Variants in AMZ1 observed in about 807,000 individuals in gnomAD.
AMZ1 encodes the protein archaemetzincin-1.
Under a neutral mutation model 29.9 loss-of-function variants are expected in AMZ1, and 39 were observed. The ratio of observed to expected loss-of-function variants is 1.30; its 90% confidence interval spans 1.01 to 1.70. The LOEUF is 1.70. Among genes scored for constraint, AMZ1 ranks in the 40% most tolerant of loss-of-function variants. The pLI is 0.00. For synonymous variants in AMZ1, 458 were observed against 304.0 expected, an observed-to-expected ratio of 1.51 and a Z score of -5.27; for missense variants, 1,041 against 680.6, an observed-to-expected ratio of 1.53 and a Z score of -5.89.
intron 4 of AMZ1, among the ~76,000 whole-genome samples, chr7:2,742,928 G>A (rs573556757): frequency 6.6e-6 from 1 of 152,324 alleles, no homozygotes; most frequent in East Asian, 1.9e-4. Context: ...TAATAGACCT[G>A]TAGGTTCTTC....
At chr7:2,751,210 C>T (rs1199634451) in intron 4 of AMZ1, among the ~76,000 whole-genome samples, 1 of 151,664 alleles carries the variant, frequency 6.6e-6, no homozygotes, top group African/African-American at 2.4e-5. Context: ...ATGGTAAAAC[C>T]CCATCTTCTC....
intron 4 of AMZ1, among the ~76,000 whole-genome samples, chr7:2,749,307 T>C (rs1357173285): frequency 7.2e-5 from 11 of 152,310 alleles, no homozygotes; most frequent in Admixed American, 6.5e-4. Flanking sequence ...GTGCCACATA[T>C]ACACCATGGA....
chr7:2,695,589 C>T (rs1380166272), intron 1 of AMZ1, among the ~76,000 whole-genome samples: 19 of 151,304 alleles, frequency 1.3e-4, no homozygotes, highest in Admixed American at 5.9e-4. Context: ...GGTACATGTC[C>T]GTAGTCTCAG....
chr7:2,762,376 C>T (rs1791602114), upstream of AMZ1: 2 of 439,304 alleles, frequency 4.6e-6, no homozygotes, highest in East Asian at 3.7e-5. Context: ...CACGGTATGG[C>T]GGTTCCCACT....
At chr7:2,708,778 T>C (rs923676008) in intron 4 of AMZ1, 62 bp downstream of exon 4, 31 of 1,606,312 alleles carry the variant, frequency 1.9e-5, no homozygotes, top group East Asian at 6.7e-5. Flanking sequence ...GTGGCCTCCG[T>C]GGCTGCAGGG....
chr7:2,703,883 A>G (rs1212060523), intron 3 of AMZ1, among the ~76,000 whole-genome samples: 1 of 152,158 alleles, frequency 6.6e-6, no homozygotes, highest in African/African-American at 2.4e-5. Flanking sequence ...CTCTGGAGTC[A>G]CATCCAAGGT....
At chr7:2,721,556 A>AAT (rs1478010602), downstream of AMZ1, among the ~76,000 whole-genome samples, 1 of 152,114 alleles carries the variant, frequency 6.6e-6, no homozygotes, top group East Asian at 1.9e-4. Context: ...CTCTACTAAA[A>AAT]ATACAAAAAA....
At chr7:2,746,006 T>G (rs1262583357) in intron 4 of AMZ1, among the ~76,000 whole-genome samples, 1 of 152,022 alleles carries the variant, frequency 6.6e-6, no homozygotes, top group African/African-American at 2.4e-5. Flanking sequence ...ACAGGAGCAC[T>G]CAGATTCATA....
Position 2,731,333 on chromosome 7 carries a change from C to T in AMZ1, n.550+21517C>T, listed in dbSNP as rs1789882516. 6.2e-7 allele frequency: 1 copy of T among 1,613,722 alleles called. No individual in the cohort carries two copies. The highest frequency in any genetic ancestry group is 8.5e-7 in the Non-Finnish European group (1 of 1,179,900). ...CGTCTCTTCCTGTCGAAGCACTGGACCAGGTAGCGCTGGACGTCCTCCAGC... is the reference window on the plus strand; with the variant it reads ...CGTCTCTTCCTGTCGAAGCACTGGATCAGGTAGCGCTGGACGTCCTCCAGC... On this transcript the variant is annotated intron_variant and non_coding_transcript_variant, in intron 4 of 4. Transcript: ENST00000489665. The surrounding 1 kb of genome is among the most constrained non-coding windows in gnomAD (Gnocchi z 6.0).
At position 2,745,908 on chromosome 7, in the gene AMZ1, C is replaced by G. The variant is rs544014364; in HGVS notation, n.551-18804C>G. On this transcript the variant is annotated intron_variant and non_coding_transcript_variant, in intron 4 of 4. Transcript: ENST00000489665. ...AAACAGACTTTAAACCAACAAAGATCAAAAGAGACAAAGAAGGCCATTACA... is the reference window on the plus strand; with the variant it reads ...AAACAGACTTTAAACCAACAAAGATGAAAAGAGACAAAGAAGGCCATTACA... 3.3e-5 allele frequency among the ~76,000 whole-genome samples: 5 copies of G among 152,168 alleles called. No homozygotes were observed. The East Asian group carries it at 9.6e-4, about 29-fold the overall frequency.
At chr7:2,759,585 T>C (rs1266671432) in intron 4 of AMZ1, among the ~76,000 whole-genome samples, 1 of 152,236 alleles carries the variant, frequency 6.6e-6, no homozygotes, top group African/African-American at 2.4e-5. Context: ...CGGTAGTGGC[T>C]CACATGGGGT....
intron 4 of AMZ1, among the ~76,000 whole-genome samples, chr7:2,745,335 G>A (rs904636425): frequency 2.0e-4 from 31 of 152,210 alleles, no homozygotes; most frequent in Admixed American, 1.0e-3. Context: ...CAGAAACTCT[G>A]CAAGCCAGAA....
upstream of AMZ1, among the ~76,000 whole-genome samples, chr7:2,683,649 A>G (rs1786967016): frequency 6.6e-6 from 1 of 152,058 alleles, no homozygotes; most frequent in Admixed American, 6.5e-5. Flanking sequence ...CGTGTTAGCC[A>G]GGATGGTCTC....
chr7:2,747,707 A>G (rs997303702), intron 4 of AMZ1, among the ~76,000 whole-genome samples: 26 of 152,232 alleles, frequency 1.7e-4, no homozygotes, highest in African/African-American at 5.8e-4. Flanking sequence ...AGGGTATTCA[A>G]TTAGGAAAAG....
chr7:2,744,912 G>T (rs1321121040), intron 4 of AMZ1, among the ~76,000 whole-genome samples: 1 of 152,064 alleles, frequency 6.6e-6, no homozygotes, highest in Non-Finnish European at 1.5e-5. Flanking sequence ...TGGAAGAAAG[G>T]GTATAAGTGA....
intron 4 of AMZ1, among the ~76,000 whole-genome samples, chr7:2,737,279 T>TTTTG (rs1790247848): frequency 1.4e-5 from 1 of 73,020 alleles, no homozygotes; most frequent in African/African-American, 6.1e-5. Context: ...GTTTTGTTTT[T>TTTTG]TTTTTTTTTG....
intron 4 of AMZ1, chr7:2,728,038 G>A (rs1212041103): frequency 6.6e-6 from 1 of 151,412 alleles, no homozygotes; most frequent in Non-Finnish European, 1.5e-5. Flanking sequence ...ATTAGGATGA[G>A]AGTGATCTGC....
upstream of AMZ1, among the ~76,000 whole-genome samples, chr7:2,761,949 G>A (rs1047350566): frequency 1.3e-5 from 2 of 152,132 alleles, no homozygotes; most frequent in Non-Finnish European, 2.9e-5. Context: ...AATGTGGAGT[G>A]TCCAGCCGCC....
intron 4 of AMZ1, chr7:2,730,893 G>A (rs1789855347): frequency 2.6e-6 from 1 of 378,872 alleles, no homozygotes; most frequent in Non-Finnish European, 4.9e-6. Flanking sequence ...GAACGTTTCT[G>A]TAAAAGCAAA....
Sources: allele counts gnomAD v4.1 joint callset (sites outside exome capture counted in the v4.1 genomes callset), GRCh38; gene constraint gnomAD v4.1.1; non-coding constraint Gnocchi (gnomAD v3.1); transcripts MANE v1.5; gene names NCBI Gene and HGNC (gene_info 2026-07-23, HGNC 2026-07-21).